GSG1L: variants seen among roughly 807,000 people sequenced by gnomAD.
GSG1L encodes the protein GSG1 like, also known as germ cell-specific gene 1-like protein.
GSG1L carries 24 observed loss-of-function variants against 42.1 expected under a neutral mutation model. That is an observed-to-expected ratio of 0.57 (90% CI 0.41 to 0.80). GSG1L has a LOEUF of 0.80. Among genes scored for constraint, GSG1L ranks in the 30% least tolerant of loss-of-function variants. GSG1L has a pLI of 0.00. For synonymous variants in GSG1L, 215 were observed against 203.5 expected (o/e 1.06, Z -0.48); for missense variants, 445 against 472.2 (o/e 0.94, Z 0.53).
At chr16:28,053,667 C>T (rs1026855570) in intron 1 of GSG1L, among the ~76,000 whole-genome samples, 9 of 152,132 alleles carry the variant, frequency 5.9e-5, no homozygotes, top group African/African-American at 1.9e-4. Flanking sequence ...TCCCCTCGCT[C>T]GCCTCTCTCC....
chr16:27,982,180 C>A (rs973285589), intron 1 of GSG1L, among the ~76,000 whole-genome samples: 4 of 152,144 alleles, frequency 2.6e-5, no homozygotes, highest in Admixed American at 6.5e-5. Context: ...CAAGTCTGGG[C>A]AACACAGCAA....
chr16:28,054,687 TAAA>T (rs977501839), intron 1 of GSG1L, among the ~76,000 whole-genome samples: 4 of 151,556 alleles, frequency 2.6e-5, no homozygotes, highest in Admixed American at 1.3e-4. Context: ...TATTTTTACA[TAAA>T]AAGAAAAACA....
chr16:27,799,540 A>G (rs1239234098), intron 6 of GSG1L, among the ~76,000 whole-genome samples: 1 of 152,144 alleles, frequency 6.6e-6, no homozygotes, highest in Non-Finnish European at 1.5e-5. Context: ...GCACAACCTT[A>G]TCTCAAAAAA....
At chr16:27,844,516 G>A (rs758882690) in intron 4 of GSG1L, among the ~76,000 whole-genome samples, 18 of 152,178 alleles carry the variant, frequency 1.2e-4, no homozygotes, top group Admixed American at 5.2e-4. Context: ...GAGCCATTCA[G>A]TCTCTGTCAC....
intron 1 of GSG1L, among the ~76,000 whole-genome samples, chr16:27,990,195 T>C (rs189612605): frequency 1.2e-4 from 19 of 152,350 alleles, no homozygotes; most frequent in Admixed American, 9.1e-4. Flanking sequence ...TGTTTCTTTT[T>C]ATGTTTTGTT....
At chr16:27,946,263 G>A (rs904873311) in intron 2 of GSG1L, among the ~76,000 whole-genome samples, 2 of 152,104 alleles carry the variant, frequency 1.3e-5, no homozygotes, top group African/African-American at 4.8e-5. Flanking sequence ...AACTAAATGA[G>A]GTCAGTCGCG....
At chr16:27,940,724 G>C (rs1457497525) in intron 2 of GSG1L, among the ~76,000 whole-genome samples, 1 of 134,368 alleles carries the variant, frequency 7.4e-6, no homozygotes, top group African/African-American at 2.8e-5. Context: ...GAGTGGGGAG[G>C]GATAGCATTA....
At chr16:27,912,881 T>C (rs1321780447) in intron 2 of GSG1L, among the ~76,000 whole-genome samples, 1 of 152,166 alleles carries the variant, frequency 6.6e-6, no homozygotes, top group Non-Finnish European at 1.5e-5. Context: ...ATAAATAAAT[T>C]GTGGTGTATT....
chr16:27,895,239 C>A (rs912990709), intron 2 of GSG1L, among the ~76,000 whole-genome samples: 1 of 152,046 alleles, frequency 6.6e-6, no homozygotes, highest in East Asian at 1.9e-4. Flanking sequence ...GATTCGTTTG[C>A]AAAATGGGCA....
At chr16:27,869,624 CTGCGTCTCCA>C in intron 3 of GSG1L, among the ~76,000 whole-genome samples, 2 of 130,644 alleles carry the variant, frequency 1.5e-5, no homozygotes, top group African/African-American at 6.3e-5. Flanking sequence ...TCTCTCCTCT[CTGCGTCTCCA>C]TCTCTCTCTC....
intron 1 of GSG1L, among the ~76,000 whole-genome samples, chr16:28,015,970 G>T (rs1176165513): frequency 6.6e-6 from 1 of 152,128 alleles, no homozygotes; most frequent in Non-Finnish European, 1.5e-5. Flanking sequence ...AGTGGCAAAG[G>T]CTACACTTTC....
intron 3 of GSG1L, among the ~76,000 whole-genome samples, chr16:27,866,573 T>A (rs760059001): frequency 1.8e-4 from 28 of 152,146 alleles, no homozygotes; most frequent in Non-Finnish European, 3.5e-4. Flanking sequence ...CTTTCACTTT[T>A]CTTTTTTAAT....
chr16:28,060,903 T>A (rs2086332505), intron 1 of GSG1L, among the ~76,000 whole-genome samples: 1 of 152,172 alleles, frequency 6.6e-6, no homozygotes, highest in African/African-American at 2.4e-5. Flanking sequence ...ATATCCCAAG[T>A]CAAGCCCTGA....
At chr16:27,845,668 T>C (rs1201038413) in intron 3 of GSG1L, among the ~76,000 whole-genome samples, 1 of 152,206 alleles carries the variant, frequency 6.6e-6, no homozygotes, top group African/African-American at 2.4e-5. Flanking sequence ...GCCTGGCTGC[T>C]AATGGGAGAA....
chr16:27,981,052 G>A (rs1238243007), intron 1 of GSG1L, among the ~76,000 whole-genome samples: 2 of 152,130 alleles, frequency 1.3e-5, no homozygotes, highest in Non-Finnish European at 2.9e-5. Flanking sequence ...TCATTCCTCT[G>A]TACTACATCT....
chr16:27,888,482 C>CT (rs1196322207), intron 2 of GSG1L, among the ~76,000 whole-genome samples: 18 of 68,948 alleles, frequency 2.6e-4, no homozygotes, highest in East Asian at 8.9e-4. Context: ...CTCTCTCTTT[C>CT]CTTTCTTTCT....
At chr16:27,820,138 A>G (rs928390886) in intron 5 of GSG1L, among the ~76,000 whole-genome samples, 1 of 152,124 alleles carries the variant, frequency 6.6e-6, no homozygotes, top group African/African-American at 2.4e-5. Context: ...AATATCATGA[A>G]TGAGTCTTGG....
intron 2 of GSG1L, among the ~76,000 whole-genome samples, chr16:27,888,808 G>C (rs573706857): frequency 6.6e-6 from 1 of 151,738 alleles, no homozygotes; most frequent in Admixed American, 6.6e-5. Flanking sequence ...AGTAGAGATT[G>C]AGTTTCACCA....
chr16:27,856,556 C>A (rs749197899), intron 3 of GSG1L, among the ~76,000 whole-genome samples: 137 of 152,222 alleles, frequency 9.0e-4, no homozygotes, highest in Non-Finnish European at 1.4e-3. Flanking sequence ...CTCAAGTGAT[C>A]CCACCTCAGC....
Sources: gnomAD v4.1 joint callset for allele counts (sites outside exome capture counted in the v4.1 genomes callset) on GRCh38, gnomAD v4.1.1 for gene constraint, MANE v1.5 for transcripts, NCBI Gene and HGNC (gene_info 2026-07-23, HGNC 2026-07-21) for gene names.